Variants in MRPS35 observed in about 807,000 individuals in gnomAD.
MRPS35 encodes the protein mitochondrial ribosomal protein S35, also known as small ribosomal subunit protein mS35.
In MRPS35, 29 loss-of-function variants were observed where a neutral mutation model predicts 32.7. The observed-to-expected ratio is 0.89, with a 90% CI of 0.66 to 1.21. MRPS35 has a LOEUF of 1.21. Ranked by LOEUF, MRPS35 falls within the 50% of genes most tolerant of loss-of-function variation. The pLI, the probability that MRPS35 is intolerant of heterozygous loss-of-function variation, is 0.00. For synonymous variants in MRPS35, 148 were observed against 139.3 expected, an observed-to-expected ratio of 1.06 and a Z score of -0.44; for missense variants, 373 against 383.8, an observed-to-expected ratio of 0.97 and a Z score of 0.23.
chr12:27,725,321 C>G (rs61915365), intron 5 of MRPS35, among the ~76,000 whole-genome samples: 17,779 of 152,114 alleles, frequency 0.12, 1,302 homozygotes, highest in Non-Finnish European at 0.17. Context: ...TCAAACTTAG[C>G]CTTTTTTCTG....
At chr12:27,744,325 G>A (rs2061974685) in intron 7 of MRPS35, among the ~76,000 whole-genome samples, 1 of 152,058 alleles carries the variant, frequency 6.6e-6, no homozygotes, top group African/African-American at 2.4e-5. Context: ...TGGGCGCGGT[G>A]GCTCACACCT....
Position 27,714,007 on chromosome 12 carries a change from C to T in MRPS35, c.113-773C>T, listed in dbSNP as rs189527288. ...AAGGATTGGCTTGAACCTGGTAGTT[C>T]GAGGCTGCAGTAAGCCGAGATTGCA... On this transcript the variant is annotated intron_variant, in intron 1 of 7. Transcript: ENST00000081029. 3.0e-3 allele frequency among the ~76,000 whole-genome samples: 439 copies of T among 146,470 alleles called. 8 individuals carry two copies. Among genetic ancestry groups the T allele is most frequent in the Admixed American group, 3.7e-3 (52 of 14,174 alleles).
intron 1 of MRPS35, among the ~76,000 whole-genome samples, chr12:27,713,968 G>A (rs1238564762): frequency 6.6e-6 from 1 of 151,684 alleles, no homozygotes; most frequent in Non-Finnish European, 1.5e-5. Context: ...TAGCTACTTG[G>A]GGTGCTGAGG....
intron 5 of MRPS35, among the ~76,000 whole-genome samples, chr12:27,727,178 G>A (rs2061904131): frequency 6.6e-6 from 1 of 152,058 alleles, no homozygotes; most frequent in African/African-American, 2.4e-5. Flanking sequence ...AGCCAGGATG[G>A]TCTCGATCTC....
intron 7 of MRPS35, among the ~76,000 whole-genome samples, chr12:27,749,841 G>A (rs1025039751): frequency 6.6e-6 from 1 of 152,190 alleles, no homozygotes; most frequent in South Asian, 2.1e-4. Flanking sequence ...ACAGCCCTGT[G>A]AAGTCGGTTC....
intron 1 of MRPS35, 35 bp downstream of exon 1, chr12:27,710,990 G>C: frequency 6.3e-7 from 1 of 1,583,578 alleles, no homozygotes; most frequent in Non-Finnish European, 8.6e-7. Flanking sequence ...GGGCTTTGGG[G>C]GAGGTGCAAG....
chr12:27,735,425 A>G (rs773242544), intron 5 of MRPS35, 22 bp from the exon 6 acceptor site: 97 of 1,523,262 alleles, frequency 6.4e-5, no homozygotes, highest in Non-Finnish European at 8.3e-5. Flanking sequence ...TATTTTTTCA[A>G]ATAACTTTTC....
chr12:27,750,850 C>G (rs1467116069), intron 7 of MRPS35, among the ~76,000 whole-genome samples: 1 of 151,820 alleles, frequency 6.6e-6, no homozygotes, highest in African/African-American at 2.4e-5. Flanking sequence ...TGCCTGTAAT[C>G]CCAGCACTTT....
chr12:27,738,910 G>T (rs1039039174), intron 7 of MRPS35, among the ~76,000 whole-genome samples: 2 of 148,968 alleles, frequency 1.3e-5, no homozygotes, highest in Non-Finnish European at 3.0e-5. Context: ...GGTTTACTGA[G>T]AACTTTTTTT....
intron 7 of MRPS35, among the ~76,000 whole-genome samples, chr12:27,750,382 A>G (rs2061997219): frequency 6.6e-6 from 1 of 152,228 alleles, no homozygotes. Context: ...GTATGTAATA[A>G]TATACATAAG....
intron 7 of MRPS35, among the ~76,000 whole-genome samples, chr12:27,750,540 C>T (rs2061997693): frequency 6.6e-6 from 1 of 152,190 alleles, no homozygotes; most frequent in South Asian, 2.1e-4. Context: ...CAGTGGCTCA[C>T]ACCTGTAATC....
chr12:27,733,168 C>T (rs1427466017), intron 5 of MRPS35, among the ~76,000 whole-genome samples: 1 of 151,940 alleles, frequency 6.6e-6, no homozygotes, highest in Non-Finnish European at 1.5e-5. Flanking sequence ...TGATAAAAGA[C>T]AGTGAATGCC....
At chr12:27,725,795 T>C (rs1198653574) in intron 5 of MRPS35, 1 of 145,464 alleles carries the variant, frequency 6.9e-6, no homozygotes, top group Non-Finnish European at 1.5e-5. Context: ...ATTCCTTGTA[T>C]ACCTTTTTTT....
intron 7 of MRPS35, among the ~76,000 whole-genome samples, chr12:27,754,521 C>T (rs540935218): frequency 1.3e-4 from 20 of 152,048 alleles, no homozygotes; most frequent in African/African-American, 4.8e-4. Context: ...AATCCCAGGA[C>T]TTTGAGAGGC....
At chr12:27,751,620 A>G (rs963254132) in intron 7 of MRPS35, among the ~76,000 whole-genome samples, 1 of 151,976 alleles carries the variant, frequency 6.6e-6, no homozygotes, top group Non-Finnish European at 1.5e-5. Flanking sequence ...TTAACCCTTT[A>G]TCTGGGCATG....
chr12:27,735,603 T>C, intron 6 of MRPS35, 47 bp downstream of exon 6: 1 of 1,350,436 alleles, frequency 7.4e-7, no homozygotes, highest in Non-Finnish European at 1.1e-6. Context: ...GTTTCCTCAT[T>C]GTCCTCCAAT....
chr12:27,726,168 C>A (rs1400457282), intron 5 of MRPS35, among the ~76,000 whole-genome samples: 2 of 151,920 alleles, frequency 1.3e-5, no homozygotes, highest in East Asian at 3.9e-4. Flanking sequence ...ATAGAATTCC[C>A]CCCTTAACCA....
At chr12:27,725,525 CA>C in intron 5 of MRPS35, 1 of 187,416 alleles carries the variant, frequency 5.3e-6, no homozygotes, top group Non-Finnish European at 1.1e-5. Flanking sequence ...ACTATGAGGT[CA>C]AAGGATATAG....
At position 27,710,848 on chromosome 12, in the gene MRPS35, C is replaced by T. The variant is rs759724505; in HGVS notation, c.5C>T (p.Ala2Val). Residue 2 changes from alanine to valine, a missense_variant, in exon 1 of 8, where the codon GCG (alanine) becomes GTG (valine). Coordinates refer to ENST00000081029, the MANE Select transcript of MRPS35 (RefSeq NM_021821.4). ...CGGCTTGCCGTCCTCGCAGCCATGG[C>T]GGCCGCCGCGCTCCCAGCATGGCTG... M[A>V]AAALPAWLSL... is the part of the protein sequence containing the mutation. 45 of 1,604,686 alleles carry T rather than the reference C, an allele frequency of 2.8e-5. No homozygotes were observed. The highest frequency in any genetic ancestry group is 3.6e-5 in the Non-Finnish European group (42 of 1,179,006).
Sources: allele counts gnomAD v4.1 joint callset (sites outside exome capture counted in the v4.1 genomes callset), GRCh38; gene constraint gnomAD v4.1.1; transcripts MANE v1.5; gene names NCBI Gene and HGNC (gene_info 2026-07-23, HGNC 2026-07-21).